Variants in PLPPR1 observed in about 807,000 individuals in gnomAD.
PLPPR1 encodes the protein phospholipid phosphatase-related protein type 1.
In PLPPR1, 10 loss-of-function variants were observed where a neutral mutation model predicts 33.1. The ratio of observed to expected loss-of-function variants is 0.30; its 90% confidence interval spans 0.19 to 0.51. The LOEUF (loss-of-function observed/expected upper bound fraction) is 0.51, where lower values mean the gene tolerates loss of function less well. Among genes scored for constraint, PLPPR1 ranks in the 20% least tolerant of loss-of-function variants. The probability of loss-of-function intolerance (pLI) is 0.97; values close to 1 mark genes in which losing one functional copy is unlikely to be tolerated. For missense variants in PLPPR1, 304 were observed against 408.1 expected, an observed-to-expected ratio of 0.74 and a Z score of 2.20; for synonymous variants, 151 against 151.0, an observed-to-expected ratio of 1.00 and a Z score of 0.00.
chr9:101,216,858 C>G (rs969105083), intron 2 of PLPPR1, among the ~76,000 whole-genome samples: 2 of 151,992 alleles, frequency 1.3e-5, no homozygotes, highest in African/African-American at 4.8e-5. Context: ...AAAATGTGCT[C>G]TTGGTAGAAA....
chr9:101,076,131 A>G (rs902764162), intron 1 of PLPPR1, among the ~76,000 whole-genome samples: 1 of 152,014 alleles, frequency 6.6e-6, no homozygotes, highest in Admixed American at 6.6e-5. Context: ...GAGTAATGCA[A>G]ATTCTCCAGG....
At chr9:101,162,370 G>C (rs1197588486) in intron 1 of PLPPR1, among the ~76,000 whole-genome samples, 1 of 152,144 alleles carries the variant, frequency 6.6e-6, no homozygotes, top group Non-Finnish European at 1.5e-5. Flanking sequence ...TTGTTCCCAG[G>C]CTGTGTCAGT....
chr9:101,254,521 CA>C (rs1340958801), intron 2 of PLPPR1, among the ~76,000 whole-genome samples: 1 of 152,096 alleles, frequency 6.6e-6, no homozygotes, highest in African/African-American at 2.4e-5. Context: ...GGCCACAGAC[CA>C]GGGGGGTTGT....
intron 1 of PLPPR1, among the ~76,000 whole-genome samples, chr9:101,044,505 T>A (rs1409766988): frequency 1.3e-5 from 2 of 152,204 alleles, no homozygotes; most frequent in Non-Finnish European, 2.9e-5. Flanking sequence ...ATTGCTTCAT[T>A]TGTAAAATGA....
chr9:101,224,940 T>A (rs561008940), intron 2 of PLPPR1, among the ~76,000 whole-genome samples: 41 of 152,342 alleles, frequency 2.7e-4, no homozygotes, highest in East Asian at 9.6e-4. Flanking sequence ...TTTTTATTAA[T>A]CTTTCTTAAA....
intron 1 of PLPPR1, among the ~76,000 whole-genome samples, chr9:101,108,398 A>G (rs1831006246): frequency 6.6e-6 from 1 of 152,206 alleles, no homozygotes; most frequent in African/African-American, 2.4e-5. Flanking sequence ...TAGGTGCTCA[A>G]TAGATGTTTG....
In PLPPR1 at chr9:101,291,458, G is replaced by T. The variant is rs949255512; in HGVS notation, c.385+5222G>T. On this transcript the variant is annotated intron_variant, in intron 4 of 7. Coordinates refer to ENST00000374874, the MANE Select transcript of PLPPR1 (RefSeq NM_207299.2). Reference sequence around the variant, plus strand: ...GCAGTGGTTCTCCCAGCACGCAGCTGGAGATCTGAGAATGGGCAGACTGCC... The same window carrying T: ...GCAGTGGTTCTCCCAGCACGCAGCTTGAGATCTGAGAATGGGCAGACTGCC... 6.1e-4 allele frequency among the ~76,000 whole-genome samples: 93 copies of T among 152,206 alleles called. 1 individual carries two copies. Among genetic ancestry groups the T allele is most frequent in the Non-Finnish European group, 1.1e-3 (77 of 68,038 alleles).
chr9:101,291,545 A>G (rs1828508999), intron 4 of PLPPR1, among the ~76,000 whole-genome samples: 1 of 152,208 alleles, frequency 6.6e-6, no homozygotes, highest in Non-Finnish European at 1.5e-5. Context: ...ACCCGCCAGT[A>G]GGGGCAGACT....
chr9:101,183,407 G>A (rs1027830740), intron 1 of PLPPR1, among the ~76,000 whole-genome samples: 2 of 151,694 alleles, frequency 1.3e-5, no homozygotes, highest in African/African-American at 4.8e-5. Flanking sequence ...AGAAATAAGA[G>A]GTCGTGTATT....
intron 2 of PLPPR1, among the ~76,000 whole-genome samples, chr9:101,198,497 T>C (rs1826438098): frequency 6.6e-6 from 1 of 152,184 alleles, no homozygotes; most frequent in South Asian, 2.1e-4. Flanking sequence ...AACATAACTA[T>C]AAAACTTATT....
chr9:101,036,701 CAAA>C (rs5899427), intron 1 of PLPPR1, among the ~76,000 whole-genome samples: 20,802 of 103,774 alleles, frequency 0.2, 1,082 homozygotes, highest in East Asian at 0.29. Context: ...CTATTTCTGC[CAAA>C]AAAAAAAAAA....
chr9:101,054,213 C>CA (rs548015429), intron 1 of PLPPR1, among the ~76,000 whole-genome samples: 1 of 151,886 alleles, frequency 6.6e-6, no homozygotes, highest in Non-Finnish European at 1.5e-5. Flanking sequence ...ACAAAACACA[C>CA]AAAAAAATCC....
rs1057112810 is a variant in PLPPR1 at position 101,293,137 on chromosome 9, G to T, written c.385+6901G>T. 2.4e-3 allele frequency among the ~76,000 whole-genome samples: 362 copies of T among 151,858 alleles called. 4 individuals carry two copies. Among genetic ancestry groups the T allele is most frequent in the African/African-American group, 7.9e-3 (327 of 41,322 alleles). On this transcript the variant is annotated intron_variant, in intron 4 of 7. Coordinates refer to ENST00000374874, the MANE Select transcript of PLPPR1 (RefSeq NM_207299.2). ...ACCAAGCAAATGGAAAACAAAAAAA[G>T]GCAGGGGTTGCAATCCTAGTCTCTG... is the stretch of plus-strand genomic sequence containing the variant.
At chr9:101,310,040 C>G (rs1458907375) in intron 5 of PLPPR1, among the ~76,000 whole-genome samples, 2 of 152,158 alleles carry the variant, frequency 1.3e-5, no homozygotes, top group Non-Finnish European at 2.9e-5. Flanking sequence ...TCATTGTCCC[C>G]CAGATCGCAC....
chr9:101,117,205 G>A (rs1454911189), intron 1 of PLPPR1, among the ~76,000 whole-genome samples: 1 of 152,102 alleles, frequency 6.6e-6, no homozygotes, highest in Non-Finnish European at 1.5e-5. Flanking sequence ...CAGGAGGTTA[G>A]AGCATTCTTA....
At chr9:101,199,555 G>T (rs1262136926) in intron 2 of PLPPR1, among the ~76,000 whole-genome samples, 1 of 152,142 alleles carries the variant, frequency 6.6e-6, no homozygotes. Context: ...ATGATCTGTT[G>T]GATATAAAAG....
chr9:101,205,408 G>T (rs539036902), intron 2 of PLPPR1, among the ~76,000 whole-genome samples: 2 of 152,114 alleles, frequency 1.3e-5, no homozygotes, highest in Non-Finnish European at 2.9e-5. Context: ...CACCTAGAAG[G>T]GGCCTTGTCA....
At chr9:101,240,521 A>C (rs1472287772) in intron 2 of PLPPR1, among the ~76,000 whole-genome samples, 1 of 139,426 alleles carries the variant, frequency 7.2e-6, no homozygotes, top group Non-Finnish European at 1.5e-5. Flanking sequence ...CAATTCTTCT[A>C]ATCTATTAGG....
chr9:101,322,417 T>G (rs934118526), intron 7 of PLPPR1: 1 of 152,054 alleles, frequency 6.6e-6, no homozygotes, highest in Non-Finnish European at 1.5e-5. Context: ...TGCTTCCATT[T>G]GATGAACCTG....
Sources: gnomAD v4.1 joint callset for allele counts (sites outside exome capture counted in the v4.1 genomes callset) on GRCh38, gnomAD v4.1.1 for gene constraint, MANE v1.5 for transcripts, NCBI Gene and HGNC (gene_info 2026-07-23, HGNC 2026-07-21) for gene names.